The following HOXC4 variants were observed in gnomAD, a reference collection of about 807,000 sequenced individuals.
The protein encoded by HOXC4 is homeobox C4.
In HOXC4, 15 loss-of-function variants were observed where a neutral mutation model predicts 25.5. That is an observed-to-expected ratio of 0.59 (90% CI 0.39 to 0.91). The LOEUF (loss-of-function observed/expected upper bound fraction) is 0.91, where lower values mean the gene tolerates loss of function less well. Among genes scored for constraint, HOXC4 ranks in the 40% least tolerant of loss-of-function variants. The probability of loss-of-function intolerance (pLI) is 0.00; values close to 1 mark genes in which losing one functional copy is unlikely to be tolerated. For missense variants in HOXC4, 342 were observed against 352.4 expected (o/e 0.97, Z 0.24); for synonymous variants, 165 against 148.0 (o/e 1.11, Z -0.83).
Position 54,055,244 on chromosome 12 carries a change from C to A in HOXC4, c.*39C>A. 1 of 1,009,840 alleles carries A rather than the reference C, an allele frequency of 9.9e-7. No individual in the cohort carries two copies. The highest frequency in any genetic ancestry group is 1.4e-6 in the Non-Finnish European group (1 of 714,758). 62.6% of individuals were successfully genotyped at this position (1,009,840 alleles called of 1,614,324 possible). On this transcript the variant is annotated 3_prime_UTR_variant, in exon 2 of 2. Coordinates refer to ENST00000430889, the MANE Select transcript of HOXC4 (RefSeq NM_153633.3). ...CCCCTGCCCCCACCCCATGCCCCCA[C>A]CCTCCCCTCACACACAAATTGACTC...
chr12:54,053,528 AGGGGAGACCCTGGGC>A, upstream of HOXC4: 1 of 215,392 alleles, frequency 4.6e-6, no homozygotes, highest in Non-Finnish European at 9.3e-6. Context: ...CAGAGGCCTG[AGGGGAGACCCTGGGC>A]GGGGGCTGAA....
chr12:54,052,534 A>T (rs768936717), upstream of HOXC4, among the ~76,000 whole-genome samples: 4 of 150,400 alleles, frequency 2.7e-5, no homozygotes, highest in Non-Finnish European at 5.9e-5. Context: ...CGATCAGTTA[A>T]TTGGAATCGG....
intron 1 of HOXC4, among the ~76,000 whole-genome samples, chr12:54,026,357 C>T (rs992319001): frequency 8.5e-5 from 13 of 152,188 alleles, no homozygotes; most frequent in African/African-American, 3.1e-4. Flanking sequence ...CTCAGGCATG[C>T]CATGAATTCG....
chr12:54,025,286 A>T (rs1304661048), intron 1 of HOXC4, among the ~76,000 whole-genome samples: 1 of 152,206 alleles, frequency 6.6e-6, no homozygotes, highest in African/African-American at 2.4e-5. Flanking sequence ...ACAGGAAAAT[A>T]TAAATATATT....
chr12:54,033,695 C>A, intron 1 of HOXC4: 1 of 852,932 alleles, frequency 1.2e-6, no homozygotes, highest in Admixed American at 2.9e-5. Context: ...ATCAATGGCT[C>A]GTAAAACTGT....
chr12:54,034,924 C>G (rs1592240098), intron 1 of HOXC4: 1 of 207,034 alleles, frequency 4.8e-6, no homozygotes, highest in East Asian at 1.1e-4. Flanking sequence ...CCCGGCTGGA[C>G]GGGTTAGACA....
chr12:54,036,337 G>A (rs1941185034), intron 1 of HOXC4, among the ~76,000 whole-genome samples: 2 of 152,188 alleles, frequency 1.3e-5, no homozygotes, highest in Admixed American at 1.3e-4. Flanking sequence ...AGGGTCTGGA[G>A]CTTGGCTAAG....
intron 1 of HOXC4, among the ~76,000 whole-genome samples, chr12:54,048,107 G>A (rs897945351): frequency 2.0e-5 from 3 of 152,102 alleles, no homozygotes; most frequent in Admixed American, 1.3e-4. Flanking sequence ...CGAGGCAGAC[G>A]GGGTTATTAA....
chr12:54,028,538 C>T, intron 1 of HOXC4: 1 of 1,614,070 alleles, frequency 6.2e-7, no homozygotes, highest in Non-Finnish European at 8.5e-7. Flanking sequence ...TCCTACTTCA[C>T]TAACCCTTCC....
chr12:54,034,395 A>G, intron 1 of HOXC4: 5 of 1,614,176 alleles, frequency 3.1e-6, no homozygotes, highest in Non-Finnish European at 4.2e-6. Context: ...ATCGCCAACA[A>G]CTTGTGTCTC....
In HOXC4 at chr12:54,054,210, G is replaced by A; in HGVS notation, c.288G>A (p.Ser96=). 6.2e-7 allele frequency: 1 copy of A among 1,612,398 alleles called. No individual in the cohort carries two copies. The highest frequency in any genetic ancestry group is 8.5e-7 in the Non-Finnish European group (1 of 1,179,266). ...ACCACCACCCCGAGAAATCACAGTC[G>A]CTCTGCGAGCCGGCGCCTCTCTCAG... ...AGHHHPEKSQ[S]LCEPAPLSGA... Residue 96 remains serine (S), a synonymous_variant, in exon 1 of 2, where the codon TCG becomes TCA. Transcript: ENST00000430889.
In HOXC4 at chr12:54,055,644, C is replaced by T. The variant is rs1937962797; in HGVS notation, c.*439C>T. 2 of 149,602 alleles carry T rather than the reference C, an allele frequency of 1.3e-5. No homozygotes were observed. Among genetic ancestry groups the T allele is most frequent in the Non-Finnish European group, 3.0e-5 (2 of 67,462 alleles). The allele number at this position is 149,602 out of a possible 1,614,324, so 9.3% of individuals were successfully genotyped here. A position where few individuals can be genotyped will look rare whatever the true frequency, so the allele number is the denominator to read the frequency against. On this transcript the variant is annotated 3_prime_UTR_variant, in exon 2 of 2. Coordinates refer to ENST00000430889, the MANE Select transcript of HOXC4 (RefSeq NM_153633.3). ...CCTTCTCCTCCTCCTCCTTCCCCCC[C>T]TCTTTCCTTAGGCCTTTTGCATTGA...
At chr12:54,038,360 C>T (rs1007038601) in intron 1 of HOXC4, among the ~76,000 whole-genome samples, 8 of 152,134 alleles carry the variant, frequency 5.3e-5, no homozygotes, top group Non-Finnish European at 7.3e-5. Flanking sequence ...GGTGTCTGTA[C>T]GGGTATGTAA....
Position 54,026,936 on chromosome 12 carries a change from TC to T in HOXC4, c.-124+9532del, listed in dbSNP as rs60226451. 6.8e-3 allele frequency among the ~76,000 whole-genome samples: 945 copies of T among 138,214 alleles called. 4 individuals carry two copies. The highest frequency in any genetic ancestry group is 0.011 in the East Asian group (53 of 4,764). The allele number at this position is 138,214 out of a possible 152,430, so 90.7% of individuals were successfully genotyped here. On this transcript the variant is annotated intron_variant, in intron 1 of 3. Coordinates refer to the HOXC4 transcript ENST00000303406. ...TCCGGGTTCTTGTTATAGCCAGCTTTCCCCCCCCCCAACCCACCCAAAAATG... is the reference window on the plus strand; with the variant it reads ...TCCGGGTTCTTGTTATAGCCAGCTTTCCCCCCCCCAACCCACCCAAAAATG...
upstream of HOXC4, among the ~76,000 whole-genome samples, chr12:54,052,455 A>T (rs951618489): frequency 2.6e-5 from 4 of 152,180 alleles, no homozygotes; most frequent in Non-Finnish European, 5.9e-5. Flanking sequence ...GTTATCAAGT[A>T]CAACAAGGGG....
At chr12:54,033,073 A>G (rs1167297111) in intron 1 of HOXC4, 1 of 1,471,652 alleles carries the variant, frequency 6.8e-7, no homozygotes, top group East Asian at 2.3e-5. Flanking sequence ...AGAGTCACAA[A>G]TCACCCTTAA....
At chr12:54,052,357 CAT>C (rs1937865390), upstream of HOXC4, among the ~76,000 whole-genome samples, 1 of 152,224 alleles carries the variant, frequency 6.6e-6, no homozygotes, top group Admixed American at 6.5e-5. Context: ...ATAAATAAAA[CAT>C]AAACAGTTAA....
chr12:54,053,783 C>T, upstream of HOXC4: 1 of 645,230 alleles, frequency 1.5e-6, no homozygotes, highest in South Asian at 2.0e-5. Flanking sequence ...GTTCCTTATC[C>T]GGGGACTGGG....
rs1296935688 is a variant in HOXC4 at position 54,033,298 on chromosome 12, A to G, written c.-124+15884A>G. On this transcript the variant is annotated intron_variant, in intron 1 of 3. Coordinates refer to the HOXC4 transcript ENST00000303406. Reference sequence around the variant, plus strand: ...CCGCCTGCGCCTTCCAACTCTCTCCACGGGGTAGACATGGCTGCCAACCCC... The same window carrying G: ...CCGCCTGCGCCTTCCAACTCTCTCCGCGGGGTAGACATGGCTGCCAACCCC... 3.7e-6 allele frequency: 6 copies of G among 1,613,944 alleles called. No individual in the cohort carries two copies. The highest frequency in any genetic ancestry group is 5.1e-6 in the Non-Finnish European group (6 of 1,179,982).
Sources: gnomAD v4.1 joint callset for allele counts (sites outside exome capture counted in the v4.1 genomes callset) on GRCh38, gnomAD v4.1.1 for gene constraint, MANE v1.5 for transcripts, NCBI Gene and HGNC (gene_info 2026-07-23, HGNC 2026-07-21) for gene names.